AGBL4: variants seen among roughly 807,000 people sequenced by gnomAD.
The protein encoded by AGBL4 is cytosolic carboxypeptidase 6.
AGBL4 carries 58 observed loss-of-function variants against 66.4 expected under a neutral mutation model. That is an observed-to-expected ratio of 0.87 (90% confidence interval 0.71 to 1.09). The LOEUF is 1.09. Ranked by LOEUF, AGBL4 falls within the 50% of genes least tolerant of loss-of-function variation. The probability of loss-of-function intolerance (pLI) is 0.00; values close to 1 mark genes in which losing one functional copy is unlikely to be tolerated. For missense variants in AGBL4, 579 were observed against 631.0 expected, an observed-to-expected ratio of 0.92 and a Z score of 0.88; for synonymous variants, 234 against 222.9, an observed-to-expected ratio of 1.05 and a Z score of -0.44.
chr1:48,805,577 G>C (rs1414539124), intron 6 of AGBL4, among the ~76,000 whole-genome samples: 2 of 152,116 alleles, frequency 1.3e-5, no homozygotes, highest in Admixed American at 6.6e-5. Context: ...ACACACCCTT[G>C]GGCTATATTA....
chr1:50,014,536 CTTTTTTTTTTT>C (rs886696766), intron 1 of AGBL4, among the ~76,000 whole-genome samples: 2 of 109,028 alleles, frequency 1.8e-5, no homozygotes, highest in African/African-American at 3.5e-5. Context: ...CAGAGGATTT[CTTTTTTTTTTT>C]TTTTTTTTTT....
At position 49,954,826 on chromosome 1, in the gene AGBL4, T is replaced by C. The variant is rs188882168; in HGVS notation, c.34+68937A>G. On this transcript the variant is annotated intron_variant, in intron 1 of 13. Transcript: ENST00000371839. ...TATTTTCAAGGGAGGTTACAAATGG[T>C]AGAGAAAAAAATATAGAAGGATTCT... 9.7e-4 allele frequency among the ~76,000 whole-genome samples: 147 copies of C among 151,912 alleles called. 1 individual carries two copies. The highest frequency in any genetic ancestry group is 3.4e-3 in the African/African-American group (141 of 41,492).
At chr1:49,883,102 T>C (rs1360411743) in intron 1 of AGBL4, among the ~76,000 whole-genome samples, 1 of 152,170 alleles carries the variant, frequency 6.6e-6, no homozygotes, top group East Asian at 1.9e-4. Flanking sequence ...TTGTTCATAA[T>C]TTTATCCAAA....
chr1:49,622,164 T>G (rs1009323165), intron 3 of AGBL4, among the ~76,000 whole-genome samples: 1 of 152,222 alleles, frequency 6.6e-6, no homozygotes, highest in Non-Finnish European at 1.5e-5. Flanking sequence ...GCTATGTGAT[T>G]TTTAAGCATT....
chr1:48,888,171 C>T (rs1650557828), intron 5 of AGBL4, among the ~76,000 whole-genome samples: 1 of 152,178 alleles, frequency 6.6e-6, no homozygotes. Flanking sequence ...CAGGGCTGTC[C>T]TGGCCCCCAA....
intron 3 of AGBL4, among the ~76,000 whole-genome samples, chr1:49,338,075 CA>C (rs1645472224): frequency 6.6e-6 from 1 of 152,130 alleles, no homozygotes; most frequent in South Asian, 2.1e-4. Flanking sequence ...AAAGGTTGAT[CA>C]AACTTCTGCA....
chr1:49,681,828 C>A (rs1386776838), intron 3 of AGBL4, among the ~76,000 whole-genome samples: 2 of 152,086 alleles, frequency 1.3e-5, no homozygotes, highest in Non-Finnish European at 2.9e-5. Context: ...ATTATAAGTA[C>A]TTTTGTATTG....
At chr1:49,005,193 C>A (rs1661690555) in intron 5 of AGBL4, among the ~76,000 whole-genome samples, 1 of 152,198 alleles carries the variant, frequency 6.6e-6, no homozygotes. Context: ...TTGAAAGTCA[C>A]ATTCAACTCT....
At chr1:49,387,123 T>C (rs1043854829) in intron 3 of AGBL4, among the ~76,000 whole-genome samples, 2 of 152,062 alleles carry the variant, frequency 1.3e-5, no homozygotes, top group African/African-American at 4.8e-5. Flanking sequence ...ATTAGCTGTG[T>C]GACCTTAGGC....
chr1:48,715,869 C>A (rs1232391563), intron 6 of AGBL4, among the ~76,000 whole-genome samples: 2 of 152,072 alleles, frequency 1.3e-5, no homozygotes, highest in Non-Finnish European at 2.9e-5. Flanking sequence ...TTGAGCTGTG[C>A]CTCTACTCTT....
intron 3 of AGBL4, among the ~76,000 whole-genome samples, chr1:49,562,848 A>T (rs1644086694): frequency 6.6e-6 from 1 of 152,042 alleles, no homozygotes; most frequent in Non-Finnish European, 1.5e-5. Context: ...CTGTGAAGAA[A>T]GTCATTGGCA....
In AGBL4 at chr1:49,526,720, G is replaced by A. The variant is rs530509808; in HGVS notation, c.282+170593C>T. On this transcript the variant is annotated intron_variant, in intron 3 of 13. Coordinates refer to ENST00000371839, the MANE Select transcript of AGBL4 (RefSeq NM_032785.4). ...TCAGCAGAGGATGACAAAGAGTTTG[G>A]AGCATAGAATATGACAGAGTTCTTT... Among the ~76,000 whole-genome samples, 20 of 152,170 alleles carry A rather than the reference G, an allele frequency of 1.3e-4. 1 individual carries two copies. The South Asian group carries it at 3.7e-3, about 28-fold the overall frequency.
At chr1:48,734,454 C>T (rs1251845764) in intron 6 of AGBL4, among the ~76,000 whole-genome samples, 4 of 152,182 alleles carry the variant, frequency 2.6e-5, no homozygotes, top group Non-Finnish European at 5.9e-5. Flanking sequence ...ACTCATCTCC[C>T]ATGTGGTCAC....
At chr1:49,159,840 G>T (rs1484705316) in intron 4 of AGBL4, among the ~76,000 whole-genome samples, 2 of 151,738 alleles carry the variant, frequency 1.3e-5, no homozygotes, top group African/African-American at 4.8e-5. Context: ...ATCCTTTCTT[G>T]TGCTTGATTG....
intron 3 of AGBL4, among the ~76,000 whole-genome samples, chr1:49,381,577 C>G (rs1421443803): frequency 6.6e-6 from 1 of 152,004 alleles, no homozygotes; most frequent in Non-Finnish European, 1.5e-5. Context: ...TTCACAATAG[C>G]AAAGACTTGG....
chr1:49,088,529 T>C (rs1433640592), intron 4 of AGBL4, among the ~76,000 whole-genome samples: 1 of 152,012 alleles, frequency 6.6e-6, no homozygotes, highest in African/African-American at 2.4e-5. Flanking sequence ...TGGTAAAAAA[T>C]TGAATTCAAC....
At chr1:49,447,343 A>G (rs995758464) in intron 3 of AGBL4, among the ~76,000 whole-genome samples, 1 of 152,114 alleles carries the variant, frequency 6.6e-6, no homozygotes, top group African/African-American at 2.4e-5. Flanking sequence ...CCAGGGATTA[A>G]TACTGCCTGT....
intron 3 of AGBL4, among the ~76,000 whole-genome samples, chr1:49,341,894 CTCCTT>C (rs1350897059): frequency 6.6e-6 from 1 of 152,200 alleles, no homozygotes; most frequent in Non-Finnish European, 1.5e-5. Flanking sequence ...CCTCCTCTCT[CTCCTT>C]TCCTTTTTCT....
At chr1:49,036,240 T>TAG (rs1477174261) in intron 5 of AGBL4, among the ~76,000 whole-genome samples, 7 of 152,032 alleles carry the variant, frequency 4.6e-5, no homozygotes, top group Admixed American at 4.6e-4. Flanking sequence ...AAATCTACTA[T>TAG]AGAGAGGCCT....
Sources: allele counts gnomAD v4.1 joint callset (sites outside exome capture counted in the v4.1 genomes callset), GRCh38; gene constraint gnomAD v4.1.1; transcripts MANE v1.5; gene names NCBI Gene and HGNC (gene_info 2026-07-23, HGNC 2026-07-21).